Variants in ADAM12 observed in about 807,000 individuals in gnomAD.
ADAM12 encodes ADAM metallopeptidase domain 12.
In ADAM12, 70 loss-of-function variants were observed where a neutral mutation model predicts 106.4. The observed-to-expected ratio is 0.66, with a 90% CI of 0.54 to 0.80. The LOEUF (loss-of-function observed/expected upper bound fraction) is 0.80. ADAM12 is among the 30% of genes least tolerant of loss of function. ADAM12 has a pLI of 0.00. For missense variants in ADAM12, 1,010 were observed against 1,171.9 expected (o/e 0.86, Z 2.02); for synonymous variants, 420 against 433.5 (o/e 0.97, Z 0.39).
intron 1 of ADAM12, among the ~76,000 whole-genome samples, chr10:126,386,779 TA>T (rs1856677179): frequency 6.6e-6 from 1 of 152,266 alleles, no homozygotes; most frequent in Non-Finnish European, 1.5e-5. Flanking sequence ...TTCCGTTTTT[TA>T]AAAAGTTCTT....
At chr10:126,073,898 A>C (rs535878193) in intron 11 of ADAM12, among the ~76,000 whole-genome samples, 6 of 152,304 alleles carry the variant, frequency 3.9e-5, no homozygotes, top group African/African-American at 9.6e-5. Context: ...AAAAATGATA[A>C]TGTTTTTGCA....
At chr10:126,136,115 G>A (rs1008470389) in intron 4 of ADAM12, among the ~76,000 whole-genome samples, 19 of 152,166 alleles carry the variant, frequency 1.2e-4, no homozygotes, top group African/African-American at 4.6e-4. Context: ...AGAGGAAGTG[G>A]GGGTGAAGAA....
intron 1 of ADAM12, among the ~76,000 whole-genome samples, chr10:126,364,707 A>C (rs1191934372): frequency 6.6e-6 from 1 of 152,220 alleles, no homozygotes; most frequent in African/African-American, 2.4e-5. Flanking sequence ...ACAAATCTTC[A>C]ATAACAAAGT....
chr10:126,222,087 C>T (rs982611867), intron 3 of ADAM12, among the ~76,000 whole-genome samples: 7 of 152,218 alleles, frequency 4.6e-5, no homozygotes, highest in Non-Finnish European at 7.3e-5. Flanking sequence ...GCTACCTACA[C>T]GTCACACGTG....
chr10:126,303,682 G>A (rs1960720674), intron 2 of ADAM12, among the ~76,000 whole-genome samples: 1 of 152,184 alleles, frequency 6.6e-6, no homozygotes, highest in South Asian at 2.1e-4. Context: ...TTTGAATCCT[G>A]GCCTAGCCAC....
chr10:126,086,680 A>AATATATAT (rs1210379675), intron 11 of ADAM12, among the ~76,000 whole-genome samples: 109 of 24,200 alleles, frequency 4.5e-3, no homozygotes, highest in African/African-American at 0.015. Context: ...AAAAAAAAAA[A>AATATATAT]ATATATATAT....
chr10:126,089,173 G>A (rs1955415845), intron 11 of ADAM12, among the ~76,000 whole-genome samples: 1 of 152,134 alleles, frequency 6.6e-6, no homozygotes, highest in South Asian at 2.1e-4. Context: ...TGACAACTGT[G>A]GCAACAATTC....
intron 21 of ADAM12, among the ~76,000 whole-genome samples, chr10:126,030,183 A>C (rs1439189805): frequency 6.6e-6 from 1 of 152,224 alleles, no homozygotes; most frequent in East Asian, 1.9e-4. Context: ...GAAAGTACAT[A>C]ATGTGTTGCC....
Position 126,168,977 on chromosome 10 carries a change from C to T in ADAM12, c.261-13672G>A, listed in dbSNP as rs144170135. Among the ~76,000 whole-genome samples, 265 of 152,132 alleles carry T rather than the reference C, an allele frequency of 1.7e-3. 1 individual carries two copies. Among genetic ancestry groups the T allele is most frequent in the African/African-American group, 6.1e-3 (254 of 41,508 alleles). ...CTGAGGCAGGAGATTTGTGTGAATCCGAGAGGCAGAGATTGTAGTGAGCCG... is the reference window on the plus strand; with the variant it reads ...CTGAGGCAGGAGATTTGTGTGAATCTGAGAGGCAGAGATTGTAGTGAGCCG... On this transcript the variant is annotated intron_variant, in intron 3 of 22. Coordinates refer to ENST00000448723, the MANE Select transcript of ADAM12 (RefSeq NM_001288973.2).
At chr10:126,185,023 C>T (rs1197077389) in intron 3 of ADAM12, among the ~76,000 whole-genome samples, 6 of 152,158 alleles carry the variant, frequency 3.9e-5, no homozygotes, top group Non-Finnish European at 8.8e-5. Context: ...TTAAACCTAC[C>T]CATCTAATGA....
intron 18 of ADAM12, among the ~76,000 whole-genome samples, chr10:126,040,232 G>A: frequency 6.6e-6 from 1 of 152,340 alleles, no homozygotes; most frequent in South Asian, 2.1e-4. Flanking sequence ...AGACTTAGAG[G>A]AGGTCTACCT....
At chr10:126,029,866 G>C (rs1054394724) in intron 21 of ADAM12, among the ~76,000 whole-genome samples, 2 of 152,172 alleles carry the variant, frequency 1.3e-5, no homozygotes, top group East Asian at 1.9e-4. Context: ...AAAAACCTCC[G>C]AACACACTGT....
chr10:126,105,251 A>T (rs577515571), intron 8 of ADAM12, among the ~76,000 whole-genome samples: 1 of 152,366 alleles, frequency 6.6e-6, no homozygotes, highest in East Asian at 1.9e-4. Context: ...AAACTGAAGC[A>T]AGATATAACC....
intron 16 of ADAM12, among the ~76,000 whole-genome samples, chr10:126,048,392 G>A (rs924081784): frequency 2.0e-5 from 3 of 152,206 alleles, no homozygotes; most frequent in Non-Finnish European, 4.4e-5. Flanking sequence ...CATTCAGAAT[G>A]TATAAGAAGA....
In ADAM12 at chr10:126,113,001, T is replaced by C. The variant is rs1207537376; in HGVS notation, c.604-3161A>G. Among the ~76,000 whole-genome samples, 7 of 152,010 alleles carry C rather than the reference T, an allele frequency of 4.6e-5. No homozygotes were observed. In the East Asian group the frequency reaches 1.4e-3, roughly 29 times the overall value. Reference sequence around the variant, plus strand: ...TGGGAGAAGGTGAGCCCATGCAGAATTAACGAAAGAAAGAGAGAGTCTGTG... The same window carrying C: ...TGGGAGAAGGTGAGCCCATGCAGAACTAACGAAAGAAAGAGAGAGTCTGTG... On this transcript the variant is annotated intron_variant, in intron 6 of 22. Transcript: ENST00000448723.
intron 3 of ADAM12, among the ~76,000 whole-genome samples, chr10:126,257,339 G>A (rs12098446): frequency 0.05 from 7,557 of 152,278 alleles, 444 homozygotes; most frequent in African/African-American, 0.13. Context: ...CTTCTGTTCT[G>A]CGATCAAAAT....
intron 3 of ADAM12, among the ~76,000 whole-genome samples, chr10:126,189,707 C>G (rs775933840): frequency 9.9e-5 from 15 of 152,150 alleles, no homozygotes; most frequent in Admixed American, 3.9e-4. Context: ...GCACCGGAAT[C>G]TACCTGCAGG....
intron 4 of ADAM12, among the ~76,000 whole-genome samples, chr10:126,137,184 C>G (rs774345810): frequency 1.3e-5 from 2 of 152,106 alleles, no homozygotes; most frequent in African/African-American, 2.4e-5. Context: ...TTTTCCTTTT[C>G]TCACTGATGT....
intron 3 of ADAM12, among the ~76,000 whole-genome samples, chr10:126,256,384 C>G (rs1420256766): frequency 6.6e-6 from 1 of 152,180 alleles, no homozygotes; most frequent in African/African-American, 2.4e-5. Flanking sequence ...ACTACGGGAT[C>G]TTGGGCAAGT....
Sources: gnomAD v4.1 joint callset for allele counts (sites outside exome capture counted in the v4.1 genomes callset) on GRCh38, gnomAD v4.1.1 for gene constraint, MANE v1.5 for transcripts, NCBI Gene and HGNC (gene_info 2026-07-23, HGNC 2026-07-21) for gene names.